GANC: variants seen among roughly 807,000 people sequenced by gnomAD.
GANC encodes glucosidase alpha, neutral C.
In GANC, 117 loss-of-function variants were observed where a neutral mutation model predicts 124.2. The observed-to-expected ratio is 0.94, with a 90% CI of 0.81 to 1.10. The LOEUF (loss-of-function observed/expected upper bound fraction) is 1.10, where lower values mean the gene tolerates loss of function less well. GANC is among the 50% of genes least tolerant of loss of function. GANC has a pLI of 0.00. For synonymous variants in GANC, 377 were observed against 376.8 expected (o/e 1.00, Z -0.01); for missense variants, 1,140 against 1,095.0 (o/e 1.04, Z -0.58).
At chr15:42,340,129 A>G (rs114071606) in intron 17 of GANC, among the ~76,000 whole-genome samples, 1,661 of 152,334 alleles carry the variant, frequency 0.011, 25 homozygotes, top group African/African-American at 0.037. Context: ...TTGTGACTAA[A>G]GTATGAATAT....
At chr15:42,280,782 G>T in intron 3 of GANC, 1 of 607,112 alleles carries the variant, frequency 1.6e-6, no homozygotes, top group East Asian at 2.7e-5. Context: ...CGGAATATCA[G>T]TGGTGAGCCG....
rs2052452265 is a variant in GANC, at chr15:42,352,238, C to T, written c.*99C>T. 1 of 1,535,952 alleles carries T rather than the reference C, an allele frequency of 6.5e-7. No individual in the cohort carries two copies. ...ATTTTTGCTGCAATCTGTTTGCCTT[C>T]CCTGAATCAAAATAATCTTTCATTC... On this transcript the variant is annotated 3_prime_UTR_variant, in exon 24 of 24. Coordinates refer to ENST00000318010, the MANE Select transcript of GANC (RefSeq NM_198141.3).
At chr15:42,281,999 C>G (rs1237826057) in intron 3 of GANC, among the ~76,000 whole-genome samples, 4 of 151,980 alleles carry the variant, frequency 2.6e-5, no homozygotes, top group Non-Finnish European at 4.4e-5. Context: ...CCAGACTGAT[C>G]AACATGGTGA....
At position 42,321,803 on chromosome 15, in the gene GANC, C is replaced by G. The variant is rs1313686828; in HGVS notation, c.1076C>G (p.Pro359Arg). ...SHLTGTQAMP[P>R]LFSLGYHQCR... is the part of the protein sequence containing the mutation. The stretch of plus-strand genomic sequence containing the variant: ...CTTTTAGGCACACAAGCCATGCCCC[C>G]TCTTTTCTCTTTGGGATACCACCAG... The change falls in exon 11 of 24, where the codon CCT (proline) becomes CGT (arginine). Residue 359 changes from proline (P) to arginine (R), a missense_variant. Coordinates refer to ENST00000318010, the MANE Select transcript of GANC (RefSeq NM_198141.3). 2 of 1,614,250 alleles carry G rather than the reference C, an allele frequency of 1.2e-6. No homozygotes were observed. Among genetic ancestry groups the G allele is most frequent in the South Asian group, 1.1e-5 (1 of 91,088 alleles).
intron 10 of GANC, among the ~76,000 whole-genome samples, chr15:42,319,016 C>CT (rs2052132989): frequency 6.6e-6 from 1 of 152,084 alleles, no homozygotes; most frequent in Admixed American, 6.5e-5. Context: ...TTTTCCCTTC[C>CT]TTTTTTTCTT....
chr15:42,348,076 T>G (rs1944881952), intron 20 of GANC, 27 bp from the exon 21 acceptor site: 1 of 1,277,276 alleles, frequency 7.8e-7, no homozygotes, highest in Non-Finnish European at 1.1e-6. Flanking sequence ...TGAATACTGC[T>G]TCCCTGAGCG....
chr15:42,341,499 G>C lies in GANC; in HGVS notation c.2152+745G>C, dbSNP rs59007853. 3.0e-3 allele frequency among the ~76,000 whole-genome samples: 453 copies of C among 151,918 alleles called. 5 individuals are homozygous for C. Among genetic ancestry groups the C allele is most frequent in the African/African-American group, 0.011 (444 of 41,440 alleles). On this transcript the variant is annotated intron_variant, in intron 18 of 23. Coordinates refer to ENST00000318010, the MANE Select transcript of GANC (RefSeq NM_198141.3). ...CAGAACATAGAATTTTACCAGCTTA[G>C]TAGCAGGGCTCAAGAAGCCAGGCTA...
intron 19 of GANC, 144 bp downstream of exon 19, chr15:42,343,298 A>T: frequency 1.5e-6 from 1 of 677,134 alleles, no homozygotes; most frequent in Non-Finnish European, 2.5e-6. Context: ...AGTCATGACC[A>T]CTGTCCTCAG....
intron 10 of GANC, chr15:42,313,969 A>ACAACAACAG (rs2141049180): frequency 1.5e-6 from 1 of 656,728 alleles, no homozygotes; most frequent in Middle Eastern, 2.5e-4. Flanking sequence ...AACAGCAACA[A>ACAACAACAG]CAACAACAAA....
chr15:42,345,352 G>GT (rs1317143562), intron 19 of GANC, among the ~76,000 whole-genome samples: 24 of 149,108 alleles, frequency 1.6e-4, no homozygotes, highest in African/African-American at 4.4e-4. Context: ...CTTCTTTGTT[G>GT]TTTTTTTTTC....
At chr15:42,295,114 G>T (rs1003344660) in intron 5 of GANC, among the ~76,000 whole-genome samples, 3 of 151,622 alleles carry the variant, frequency 2.0e-5, no homozygotes, top group Non-Finnish European at 2.9e-5. Flanking sequence ...TGGGACTACA[G>T]CGCCCACCAC....
chr15:42,295,638 A>G (rs902082604), intron 5 of GANC, among the ~76,000 whole-genome samples: 11 of 86,816 alleles, frequency 1.3e-4, no homozygotes, highest in Admixed American at 4.8e-4. Flanking sequence ...GCTTTATTAT[A>G]GACACACACA....
intron 7 of GANC, 48 bp downstream of exon 7, chr15:42,306,660 T>G (rs2141041331): frequency 7.8e-7 from 1 of 1,278,926 alleles, no homozygotes; most frequent in Non-Finnish European, 1.1e-6. Flanking sequence ...TCTAAAAATG[T>G]CTACATAATT....
At chr15:42,289,435 C>T (rs779537213) in intron 4 of GANC, among the ~76,000 whole-genome samples, 39 of 152,194 alleles carry the variant, frequency 2.6e-4, no homozygotes, top group Admixed American at 5.2e-4. Flanking sequence ...TACAGTTACA[C>T]AGTATTGTTC....
chr15:42,324,676 A>G (rs1472981222), intron 11 of GANC, among the ~76,000 whole-genome samples: 3 of 152,232 alleles, frequency 2.0e-5, no homozygotes, highest in Non-Finnish European at 4.4e-5. Context: ...GATAAATGCT[A>G]AGTGAAATAA....
chr15:42,276,744 T>C (rs569281340), intron 2 of GANC, among the ~76,000 whole-genome samples: 2 of 152,344 alleles, frequency 1.3e-5, no homozygotes, highest in Non-Finnish European at 2.9e-5. Flanking sequence ...TGTCCCCTTC[T>C]ACCCATTCCT....
chr15:42,274,491 G>C lies in GANC; in HGVS notation c.10G>C (p.Ala4Pro), dbSNP rs2051633656. The C allele has an allele frequency of 3.7e-6, 6 of 1,610,824 alleles. No homozygotes were observed. The highest frequency in any genetic ancestry group is 5.1e-6 in the Non-Finnish European group (6 of 1,178,776). The change falls in exon 1 of 24, where the codon GCA (alanine) becomes CCA (proline). Residue 4 changes from alanine (A) to proline (P), a missense_variant. Transcript: ENST00000318010. MEA[A>P]VKEEISLEDE... is the part of the protein sequence containing the mutation. ...GAGTGACAGAGAAGCCATGGAAGCA[G>C]CAGTGAAAGAGGAAATAAGGTAAAG... is the stretch of plus-strand genomic sequence containing the variant.
At chr15:42,305,715 T>G (rs2051988675) in intron 6 of GANC, among the ~76,000 whole-genome samples, 1 of 152,184 alleles carries the variant, frequency 6.6e-6, no homozygotes, top group African/African-American at 2.4e-5. Flanking sequence ...AGTGATAGAC[T>G]GGATAAAGAA....
chr15:42,295,871 A>G (rs953316533), intron 5 of GANC, among the ~76,000 whole-genome samples: 11 of 152,064 alleles, frequency 7.2e-5, no homozygotes, highest in African/African-American at 1.9e-4. Context: ...GCTGGGCACA[A>G]TGGCTCATGG....
Sources: allele counts gnomAD v4.1 joint callset (sites outside exome capture counted in the v4.1 genomes callset), GRCh38; gene constraint gnomAD v4.1.1; transcripts MANE v1.5; gene names NCBI Gene and HGNC (gene_info 2026-07-23, HGNC 2026-07-21).